OXNAD1: variants seen among roughly 807,000 people sequenced by gnomAD.
OXNAD1 encodes oxidoreductase NAD binding domain containing 1.
A neutral mutation model predicts 32.9 loss-of-function variants in OXNAD1; 34 were observed. The ratio of observed to expected loss-of-function variants is 1.03; its 90% CI spans 0.79 to 1.38. The LOEUF is 1.38. OXNAD1 is among the 40% of genes most tolerant of loss of function. OXNAD1 has a pLI of 0.00. For missense variants in OXNAD1, 407 were observed against 379.4 expected, an observed-to-expected ratio of 1.07 and a Z score of -0.60; for synonymous variants, 134 against 135.2, an observed-to-expected ratio of 0.99 and a Z score of 0.06.
intron 1 of OXNAD1, among the ~76,000 whole-genome samples, chr3:16,267,432 G>A (rs1439807707): frequency 6.6e-6 from 1 of 152,072 alleles, no homozygotes; most frequent in Non-Finnish European, 1.5e-5. Context: ...ATAGACTGCT[G>A]GACTTCATCT....
Position 16,287,914 on chromosome 3 carries a change from C to T in OXNAD1, c.290+1466C>T, listed in dbSNP as rs968213235. Among the ~76,000 whole-genome samples, 1 of 152,150 alleles carries T rather than the reference C, an allele frequency of 6.6e-6. No homozygotes were observed. The highest frequency in any genetic ancestry group is 2.1e-4 in the South Asian group (1 of 4,822). ...TTTCACTGAATTTAGGCCTGGTTTTCGTATGTGCCTGTCAGACTTCTTCGG... is the reference window on the plus strand; with the variant it reads ...TTTCACTGAATTTAGGCCTGGTTTTTGTATGTGCCTGTCAGACTTCTTCGG... On this transcript the variant is annotated intron_variant, in intron 5 of 8. Coordinates refer to ENST00000285083, the MANE Select transcript of OXNAD1 (RefSeq NM_138381.5). This position sits in a 1 kb window ranked among gnomAD's most constrained non-coding sequence, Gnocchi z 4.8.
At chr3:16,310,092 G>C (rs1293022116), downstream of OXNAD1, among the ~76,000 whole-genome samples, 1 of 152,222 alleles carries the variant, frequency 6.6e-6, no homozygotes, top group Non-Finnish European at 1.5e-5. Flanking sequence ...GGGCTCAAGA[G>C]AAATAGTGGA....
chr3:16,302,879 T>G lies in OXNAD1; in HGVS notation c.784+131T>G. 1 of 717,648 alleles carries G rather than the reference T, an allele frequency of 1.4e-6. No individual in the cohort carries two copies. The allele number at this position is 717,648 out of a possible 1,614,324, so 44.5% of individuals were successfully genotyped here. A position where few individuals can be genotyped will look rare whatever the true frequency, so the allele number is the denominator to read the frequency against. On this transcript the variant is annotated intron_variant, in intron 8 of 8. Transcript: ENST00000285083. The surrounding 1 kb of genome is among the most constrained non-coding windows in gnomAD (Gnocchi z 4.2). Reference sequence around the variant, plus strand: ...GTCACTATCTGGGGAATTGGGATGATTCCTCATGGAAAAATGGATATTTAG... The same window carrying G: ...GTCACTATCTGGGGAATTGGGATGAGTCCTCATGGAAAAATGGATATTTAG...
At chr3:16,318,832 C>A (rs1022410218) in intron 9 of OXNAD1, among the ~76,000 whole-genome samples, 32 of 152,230 alleles carry the variant, frequency 2.1e-4, no homozygotes, top group South Asian at 2.1e-4. Flanking sequence ...AGCTGACAGA[C>A]TTCCCTTAGG....
chr3:16,319,559 C>T (rs1431749786), intron 9 of OXNAD1, among the ~76,000 whole-genome samples: 1 of 152,210 alleles, frequency 6.6e-6, no homozygotes, highest in African/African-American at 2.4e-5. Context: ...AATTCCACCA[C>T]GTGCTAGACC....
At chr3:16,347,778 G>A (rs1258552963) in intron 9 of OXNAD1, 1 of 152,172 alleles carries the variant, frequency 6.6e-6, no homozygotes, top group Non-Finnish European at 1.5e-5. Flanking sequence ...TTATTATAAA[G>A]CCTCCAATAA....
At chr3:16,325,226 C>T (rs1045569018) in intron 9 of OXNAD1, among the ~76,000 whole-genome samples, 1 of 152,212 alleles carries the variant, frequency 6.6e-6, no homozygotes, top group African/African-American at 2.4e-5. Flanking sequence ...CCAACTACCA[C>T]TTTTATAGAA....
chr3:16,327,824 G>A lies in OXNAD1; in HGVS notation c.*31-9288G>A, dbSNP rs867077334. 1.2e-4 allele frequency among the ~76,000 whole-genome samples: 18 copies of A among 151,902 alleles called. No individual in the cohort carries two copies. The highest frequency in any genetic ancestry group is 1.9e-4 in the Non-Finnish European group (13 of 67,964). ...GCTAGCACAGGGAGAGAGCCCTGAT[G>A]TGAGGCCCCTGCACTGGCTTCCACC... On this transcript the variant is annotated intron_variant, in intron 9 of 9. Coordinates refer to the OXNAD1 transcript ENST00000435829. The surrounding 1 kb of genome is among the most constrained non-coding windows in gnomAD (Gnocchi z 4.2).
rs1420981223 is a variant in OXNAD1 at position 16,344,375 on chromosome 3, A to AT, written c.*31-4800dup. ...AGGATGCTTCCTATAGGCATCAACT[A>AT]TAATCTAATTTAGAAACAACATGTA... On this transcript the variant is annotated intron_variant, in intron 9 of 9. Transcript: ENST00000606098. This position sits in a 1 kb window ranked among gnomAD's most constrained non-coding sequence, Gnocchi z 4.4. 6.6e-6 allele frequency among the ~76,000 whole-genome samples: 1 copy of AT among 151,974 alleles called. No homozygotes were observed. The highest frequency in any genetic ancestry group is 1.5e-5 in the Non-Finnish European group (1 of 68,006).
intron 6 of OXNAD1, among the ~76,000 whole-genome samples, chr3:16,295,697 T>C (rs1435350919): frequency 6.6e-6 from 1 of 152,182 alleles, no homozygotes; most frequent in African/African-American, 2.4e-5. Context: ...TCCTTTCACT[T>C]CCTCTTCATT....
At chr3:16,310,210 T>TGTTTTAGACAGTTATTAACTTAC (rs2067868345), downstream of OXNAD1, among the ~76,000 whole-genome samples, 1 of 152,218 alleles carries the variant, frequency 6.6e-6, no homozygotes, top group Admixed American at 6.5e-5. Context: ...AAAAAGGAAG[T>TGTTTTAGACAGTTATTAACTTAC]GTTTTAGACA....
Position 16,303,600 on chromosome 3 carries a change from C to T in OXNAD1, c.*38C>T, listed in dbSNP as rs1475436518. On this transcript the variant is annotated 3_prime_UTR_variant, in exon 9 of 9. Transcript: ENST00000285083. The surrounding 1 kb of genome is among the most constrained non-coding windows in gnomAD (Gnocchi z 4.8). ...GGCAGAAAAAATAAAGAGGTGAGAT[C>T]TACTCAGGAGAGCTCCTGTCCTTTG... is the stretch of plus-strand genomic sequence containing the variant. The T allele has an allele frequency of 1.2e-6, 2 of 1,606,856 alleles. No individual in the cohort carries two copies. Among genetic ancestry groups the T allele is most frequent in the African/African-American group, 1.3e-5 (1 of 74,528 alleles).
Position 16,327,773 on chromosome 3 carries a change from C to A in OXNAD1, c.*31-9339C>A, listed in dbSNP as rs1363547159. ...GGGATTCCCATCTCAAAAAAAAAAA[C>A]AAAACGAAAAAAACTTCAGCCCCCT... On this transcript the variant is annotated intron_variant, in intron 9 of 9. Coordinates refer to the OXNAD1 transcript ENST00000435829. The surrounding 1 kb of genome is among the most constrained non-coding windows in gnomAD (Gnocchi z 4.2). 2.0e-5 allele frequency among the ~76,000 whole-genome samples: 3 copies of A among 148,268 alleles called. No homozygotes were observed. Among genetic ancestry groups the A allele is most frequent in the Non-Finnish European group, 3.0e-5 (2 of 66,858 alleles).
intron 5 of OXNAD1, among the ~76,000 whole-genome samples, chr3:16,293,237 T>G (rs991559311): frequency 1.3e-5 from 2 of 152,242 alleles, no homozygotes; most frequent in East Asian, 1.9e-4. Flanking sequence ...AGTCTTACAC[T>G]TATTTTGTTA....
At chr3:16,307,886 T>TA (rs2067677947), downstream of OXNAD1, among the ~76,000 whole-genome samples, 1 of 152,216 alleles carries the variant, frequency 6.6e-6, no homozygotes, top group African/African-American at 2.4e-5. Context: ...GCTAAATTGG[T>TA]ACAGTACTAT....
In OXNAD1 at chr3:16,302,909, G is replaced by T. The variant is rs573604410; in HGVS notation, c.784+161G>T. ...CATGGAAAAATGGATATTTAGTTGG[G>T]TTTACTCATTATATACAGGTTTCCT... On this transcript the variant is annotated intron_variant, in intron 8 of 8. Transcript: ENST00000285083. This position sits in a 1 kb window ranked among gnomAD's most constrained non-coding sequence, Gnocchi z 4.2. 6.6e-6 allele frequency among the ~76,000 whole-genome samples: 1 copy of T among 152,226 alleles called. No individual in the cohort carries two copies. The highest frequency in any genetic ancestry group is 2.1e-4 in the South Asian group (1 of 4,816).
At chr3:16,281,932 T>G (rs940589695) in intron 4 of OXNAD1, among the ~76,000 whole-genome samples, 1 of 146,510 alleles carries the variant, frequency 6.8e-6, no homozygotes, top group Non-Finnish European at 1.5e-5. Flanking sequence ...AGGGTCTCAC[T>G]TGGCTCACTG....
downstream of OXNAD1, among the ~76,000 whole-genome samples, chr3:16,308,196 C>T (rs1020611264): frequency 7.2e-5 from 11 of 152,144 alleles, no homozygotes; most frequent in South Asian, 6.2e-4. The surrounding 1 kb of genome is among the most constrained non-coding windows in gnomAD (Gnocchi z 4.4). Flanking sequence ...GAGAACATTT[C>T]GACAAAATTG....
chr3:16,344,142 C>T lies in OXNAD1; in HGVS notation c.*31-5034C>T, dbSNP rs1306768892. Among the ~76,000 whole-genome samples the T allele has an allele frequency of 6.6e-6, 1 of 152,142 alleles. No homozygotes were observed. On this transcript the variant is annotated intron_variant, in intron 9 of 9. Transcript: ENST00000606098. This position sits in a 1 kb window ranked among gnomAD's most constrained non-coding sequence, Gnocchi z 4.4. ...AATTGCTGTCAAATCAGGTATGCTT[C>T]ATTCTATATTATTGACTTTTTGGAG...
Sources: allele counts gnomAD v4.1 joint callset (sites outside exome capture counted in the v4.1 genomes callset), GRCh38; gene constraint gnomAD v4.1.1; non-coding constraint Gnocchi (gnomAD v3.1); transcripts MANE v1.5; gene names NCBI Gene and HGNC (gene_info 2026-07-23, HGNC 2026-07-21).